Variants in KCNH8 observed in about 807,000 individuals in gnomAD.
KCNH8 encodes the protein potassium voltage-gated channel subfamily H member 8.
In KCNH8, 70 loss-of-function variants were observed where a neutral mutation model predicts 103.6. That is an observed-to-expected ratio of 0.68 (90% CI 0.56 to 0.82). The LOEUF is 0.82. Among genes scored for constraint, KCNH8 ranks in the 40% least tolerant of loss-of-function variants. The pLI is 0.00. For synonymous variants in KCNH8, 498 were observed against 489.4 expected, an observed-to-expected ratio of 1.02 and a Z score of -0.23; for missense variants, 1,217 against 1,329.9, an observed-to-expected ratio of 0.92 and a Z score of 1.32.
intron 1 of KCNH8, among the ~76,000 whole-genome samples, chr3:19,155,469 A>T (rs1559400144): frequency 6.6e-6 from 1 of 152,050 alleles, no homozygotes; most frequent in Non-Finnish European, 1.5e-5. Context: ...TCCCAGAGTG[A>T]TTTCCATTAA....
chr3:19,347,444 A>G (rs918042639), intron 4 of KCNH8, among the ~76,000 whole-genome samples: 1 of 152,048 alleles, frequency 6.6e-6, no homozygotes, highest in African/African-American at 2.4e-5. Flanking sequence ...TTTTTTGATG[A>G]CATTTTAGGT....
chr3:19,376,476 C>A (rs146826172), intron 5 of KCNH8, among the ~76,000 whole-genome samples: 1,686 of 152,204 alleles, frequency 0.011, 25 homozygotes, highest in African/African-American at 0.038. Context: ...GTGCGCGCAC[C>A]CACTGACCTG....
intron 1 of KCNH8, among the ~76,000 whole-genome samples, chr3:19,185,669 C>G (rs1035967758): frequency 1.3e-5 from 2 of 151,054 alleles, no homozygotes; most frequent in Non-Finnish European, 2.9e-5. Flanking sequence ...GACCATTTAT[C>G]ACTGTAATTG....
At chr3:19,235,278 A>C (rs2064049689) in intron 1 of KCNH8, among the ~76,000 whole-genome samples, 1 of 152,202 alleles carries the variant, frequency 6.6e-6, no homozygotes, top group Non-Finnish European at 1.5e-5. Flanking sequence ...GGTAACTTCA[A>C]AATAATCCAT....
At position 19,170,808 on chromosome 3, in the gene KCNH8, A is replaced by ATTTTTT. The variant is rs1331802978; in HGVS notation, c.76+22014_76+22015insTTTTTT. On this transcript the variant is annotated intron_variant, in intron 1 of 15. Coordinates refer to ENST00000328405, the MANE Select transcript of KCNH8 (RefSeq NM_144633.3). ...CACACACATATATATATATATATAT[A>ATTTTTT]TATTTTTTTTTTTTTTTTTGAGACG... 1.7e-4 allele frequency among the ~76,000 whole-genome samples: 17 copies of ATTTTTT among 100,198 alleles called. 1 individual carries two copies. The highest frequency in any genetic ancestry group is 8.7e-4 in the African/African-American group (17 of 19,476). The allele number at this position is 100,198 out of a possible 152,430, so 65.7% of individuals were successfully genotyped here.
intron 3 of KCNH8, among the ~76,000 whole-genome samples, chr3:19,299,430 G>A (rs1377059960): frequency 6.6e-6 from 1 of 152,072 alleles, no homozygotes; most frequent in African/African-American, 2.4e-5. Flanking sequence ...GGAAGTTCGA[G>A]TACGGATTGG....
chr3:19,313,038 G>GA (rs76726656), intron 3 of KCNH8, among the ~76,000 whole-genome samples: 68,046 of 151,670 alleles, frequency 0.45, 16,865 homozygotes, highest in African/African-American at 0.67. Context: ...GGCTTTCACG[G>GA]GATGTCTTGG....
intron 1 of KCNH8, among the ~76,000 whole-genome samples, chr3:19,179,050 G>T (rs1323463395): frequency 1.3e-5 from 2 of 151,976 alleles, no homozygotes; most frequent in Non-Finnish European, 2.9e-5. Flanking sequence ...GTTGAGAAAG[G>T]ATATATTTTT....
At chr3:19,453,732 C>T (rs182298691) in intron 10 of KCNH8, among the ~76,000 whole-genome samples, 88 of 152,182 alleles carry the variant, frequency 5.8e-4, no homozygotes, top group African/African-American at 1.7e-3. Context: ...GCGGACACAA[C>T]GGAAAGGTGC....
At chr3:19,217,498 C>T (rs962105081) in intron 1 of KCNH8, among the ~76,000 whole-genome samples, 3 of 152,108 alleles carry the variant, frequency 2.0e-5, no homozygotes, top group Non-Finnish European at 2.9e-5. Flanking sequence ...TATATAATTA[C>T]GCATTTAACA....
chr3:19,298,640 A>C (rs1218320125), intron 3 of KCNH8, among the ~76,000 whole-genome samples: 1 of 152,188 alleles, frequency 6.6e-6, no homozygotes, highest in East Asian at 1.9e-4. Flanking sequence ...TAAGAGAAAC[A>C]GGCTGGGCAG....
chr3:19,440,050 TAAA>T, intron 8 of KCNH8, among the ~76,000 whole-genome samples: 2 of 151,800 alleles, frequency 1.3e-5, no homozygotes, highest in South Asian at 2.1e-4. Flanking sequence ...GAAACAAACT[TAAA>T]AAGAGTAGAG....
At chr3:19,320,479 T>C (rs139257741) in intron 3 of KCNH8, among the ~76,000 whole-genome samples, 13 of 152,156 alleles carry the variant, frequency 8.5e-5, no homozygotes, top group Admixed American at 5.2e-4. Context: ...CTATGTATCC[T>C]TAATGTATAC....
chr3:19,295,293 A>T (rs2064981367), intron 3 of KCNH8, among the ~76,000 whole-genome samples: 1 of 151,940 alleles, frequency 6.6e-6, no homozygotes, highest in South Asian at 2.1e-4. Context: ...CTCAGGTGGG[A>T]TAATTGCTTG....
intron 11 of KCNH8, among the ~76,000 whole-genome samples, chr3:19,471,774 G>GTA (rs1010748457): frequency 2.0e-5 from 3 of 152,160 alleles, no homozygotes; most frequent in Admixed American, 6.5e-5. Flanking sequence ...TTGAAACTTA[G>GTA]TATAAGTTTA....
rs547188672 is a variant in KCNH8, at chr3:19,295,915, G to C, written c.442+14586G>C. Among the ~76,000 whole-genome samples the C allele has an allele frequency of 1.4e-3, 215 of 152,240 alleles. 1 individual carries two copies. Among genetic ancestry groups the C allele is most frequent in the African/African-American group, 4.5e-3 (186 of 41,540 alleles). On this transcript the variant is annotated intron_variant, in intron 3 of 15. Coordinates refer to ENST00000328405, the MANE Select transcript of KCNH8 (RefSeq NM_144633.3). ...AAAGATAGGGTCCCCAGTTTTGGGGGATTTTGAGTCTAGTTTCTGCCCCAT... is the reference window on the plus strand; with the variant it reads ...AAAGATAGGGTCCCCAGTTTTGGGGCATTTTGAGTCTAGTTTCTGCCCCAT...
intron 1 of KCNH8, among the ~76,000 whole-genome samples, chr3:19,174,127 TC>T (rs2063375328): frequency 6.6e-6 from 1 of 151,990 alleles, no homozygotes; most frequent in Non-Finnish European, 1.5e-5. Flanking sequence ...AGAAAAAGAT[TC>T]CCTGTGGCAG....
intron 3 of KCNH8, among the ~76,000 whole-genome samples, chr3:19,318,587 C>T (rs2065305796): frequency 6.6e-6 from 1 of 150,940 alleles, no homozygotes; most frequent in Non-Finnish European, 1.5e-5. Context: ...ATCCAGGTTG[C>T]TGCAAATGCC....
chr3:19,190,353 T>C (rs1334604869), intron 1 of KCNH8, among the ~76,000 whole-genome samples: 1 of 152,012 alleles, frequency 6.6e-6, no homozygotes, highest in East Asian at 1.9e-4. Flanking sequence ...AGAGCAAAAG[T>C]TGAACAGATG....
Sources: gnomAD v4.1 joint callset for allele counts (sites outside exome capture counted in the v4.1 genomes callset) on GRCh38, gnomAD v4.1.1 for gene constraint, MANE v1.5 for transcripts, NCBI Gene and HGNC (gene_info 2026-07-23, HGNC 2026-07-21) for gene names.